Variants in GRID2 observed in about 807,000 individuals in gnomAD.
The protein encoded by GRID2 is glutamate ionotropic receptor delta type subunit 2, also known as glutamate receptor ionotropic, delta-2.
GRID2 carries 33 observed loss-of-function variants against 114.8 expected under a neutral mutation model. That is an observed-to-expected ratio of 0.29 (90% CI 0.22 to 0.38). The LOEUF is 0.38. Among genes scored for constraint, GRID2 ranks in the 10% least tolerant of loss-of-function variants. The pLI is 1.00. For missense variants in GRID2, 1,184 were observed against 1,257.7 expected, an observed-to-expected ratio of 0.94 and a Z score of 0.89; for synonymous variants, 505 against 449.9, an observed-to-expected ratio of 1.12 and a Z score of -1.55.
At chr4:92,539,660 A>C (rs1303201557) in intron 1 of GRID2, among the ~76,000 whole-genome samples, 1 of 152,152 alleles carries the variant, frequency 6.6e-6, no homozygotes, top group Non-Finnish European at 1.5e-5. Context: ...ATTGCTACCA[A>C]ATTAGTAATT....
chr4:92,718,916 TCTTA>T (rs745619308), intron 2 of GRID2, among the ~76,000 whole-genome samples: 18 of 152,186 alleles, frequency 1.2e-4, no homozygotes, highest in East Asian at 9.6e-4. Flanking sequence ...TTTATTGCAA[TCTTA>T]CTTTTTTAAA....
chr4:92,837,764 T>C (rs1448871324), intron 2 of GRID2, among the ~76,000 whole-genome samples: 1 of 152,108 alleles, frequency 6.6e-6, no homozygotes, highest in East Asian at 1.9e-4. Flanking sequence ...CTAGGATCTA[T>C]TTATTCTCAT....
rs1431226193 is a variant in GRID2, at chr4:92,644,574, C to A, written c.244+54288C>A. Among the ~76,000 whole-genome samples, 5 of 151,630 alleles carry A rather than the reference C, an allele frequency of 3.3e-5. No homozygotes were observed. The Admixed American group carries it at 3.3e-4, about 10-fold the overall frequency. Reference sequence around the variant, plus strand: ...GTTCAGCTTTTTGTCTGGTGAGTAGCTAGACTTGTGTTCCTTGAACAAATT... The same window carrying A: ...GTTCAGCTTTTTGTCTGGTGAGTAGATAGACTTGTGTTCCTTGAACAAATT... On this transcript the variant is annotated intron_variant, in intron 2 of 15. Transcript: ENST00000282020.
intron 4 of GRID2, among the ~76,000 whole-genome samples, chr4:93,130,932 C>G (rs1229113586): frequency 6.6e-6 from 1 of 152,088 alleles, no homozygotes; most frequent in African/African-American, 2.4e-5. Flanking sequence ...TCTCTCTTAT[C>G]CAATTGCATC....
chr4:92,628,617 C>G (rs1021047312), intron 2 of GRID2, among the ~76,000 whole-genome samples: 9 of 152,162 alleles, frequency 5.9e-5, no homozygotes, highest in Non-Finnish European at 7.3e-5. Context: ...CTCGGCCTCC[C>G]AAAGTGCTAG....
chr4:92,417,018 T>G (rs914911389), intron 1 of GRID2, among the ~76,000 whole-genome samples: 1 of 152,152 alleles, frequency 6.6e-6, no homozygotes, highest in African/African-American at 2.4e-5. Context: ...ACAATAGTGA[T>G]TCTACCCATC....
chr4:93,695,840 CTA>C (rs1187183540), intron 14 of GRID2, among the ~76,000 whole-genome samples: 1 of 152,170 alleles, frequency 6.6e-6, no homozygotes. Context: ...AAAGACAATG[CTA>C]TCTTCCTCTT....
intron 4 of GRID2, among the ~76,000 whole-genome samples, chr4:93,184,519 A>T (rs1740206854): frequency 6.6e-6 from 1 of 151,960 alleles, no homozygotes; most frequent in African/African-American, 2.4e-5. Flanking sequence ...AAAAAAAAAA[A>T]AAAAAAAAAA....
intron 2 of GRID2, among the ~76,000 whole-genome samples, chr4:93,032,010 T>C (rs1463640443): frequency 6.6e-6 from 1 of 152,048 alleles, no homozygotes; most frequent in Admixed American, 6.5e-5. Context: ...ATGTGAGAAA[T>C]TTCAAGGGCA....
chr4:93,518,002 T>TATGTATGTATATACATACATGTAC (rs1560706432), intron 13 of GRID2, among the ~76,000 whole-genome samples: 35 of 48,886 alleles, frequency 7.2e-4, no homozygotes, highest in East Asian at 2.9e-3. Context: ...CATACATGTA[T>TATGTATGTATATACATACATGTAC]ATGTATGTAT....
intron 2 of GRID2, among the ~76,000 whole-genome samples, chr4:92,653,088 T>G (rs1168958573): frequency 6.7e-6 from 1 of 148,692 alleles, no homozygotes; most frequent in Non-Finnish European, 1.5e-5. Flanking sequence ...AACCTCCACC[T>G]CCCAGGTTCA....
At chr4:93,511,938 C>T (rs940052518) in intron 12 of GRID2, among the ~76,000 whole-genome samples, 4 of 151,900 alleles carry the variant, frequency 2.6e-5, no homozygotes, top group African/African-American at 9.7e-5. Context: ...CATGCCACCA[C>T]ATCCAGCTAA....
intron 2 of GRID2, among the ~76,000 whole-genome samples, chr4:92,907,141 C>A (rs2149487002): frequency 6.6e-6 from 1 of 152,236 alleles, no homozygotes; most frequent in South Asian, 2.1e-4. Context: ...CCAGTATATG[C>A]CCCGTTTTTC....
rs1409968571 is a variant in GRID2 at position 92,840,762 on chromosome 4, G to GT, written c.245-244232dup. Among the ~76,000 whole-genome samples the GT allele has an allele frequency of 2.0e-5, 3 of 151,962 alleles. 1 individual carries two copies. Among genetic ancestry groups the GT allele is most frequent in the Non-Finnish European group, 4.4e-5 (3 of 67,952 alleles). On this transcript the variant is annotated intron_variant, in intron 2 of 15. Coordinates refer to ENST00000282020, the MANE Select transcript of GRID2 (RefSeq NM_001510.4). ...ATACTTAGCCTTGCCCTCACCAGTA[G>GT]TATCTTTCCAAGTTCAAAATCAAAG...
chr4:93,455,875 T>G lies in GRID2; in HGVS notation c.1759T>G (p.Leu587Val), dbSNP rs886181305. The stretch of plus-strand genomic sequence containing the variant: ...TCTGGTGGGTCTACTGGTCTACCTC[T>G]TGAACTGGCTTAATCCCCCACGATT... The part of the protein sequence containing the change: ...VLLVGLLVYL[L>V]NWLNPPRLQM... The change falls in exon 11 of 16, where the codon TTG (leucine) becomes GTG (valine). Residue 587 changes from leucine (L) to valine (V), a missense_variant. Leu to Val is a conservative substitution (Grantham distance 32, BLOSUM62 1). This residue lies in a region of GRID2 where 717 missense variants were observed against 796.9 expected (regional missense o/e 0.90). Coordinates refer to ENST00000282020, the MANE Select transcript of GRID2 (RefSeq NM_001510.4). The G allele has an allele frequency of 4.3e-6, 7 of 1,609,330 alleles. No homozygotes were observed. Among genetic ancestry groups the G allele is most frequent in the Non-Finnish European group, 6.0e-6 (7 of 1,175,730 alleles).
Position 93,012,978 on chromosome 4 carries a change from A to T in GRID2, c.245-72017A>T, listed in dbSNP as rs1578750368. Among the ~76,000 whole-genome samples the T allele has an allele frequency of 2.6e-5, 4 of 152,064 alleles. No homozygotes were observed. The South Asian group carries it at 8.3e-4, about 31-fold the overall frequency. ...AATTAGAATCTAAAACTCCTTTAAT[A>T]TTTAATATACTGATGGCTTTGCTAA... On this transcript the variant is annotated intron_variant, in intron 2 of 15. Coordinates refer to ENST00000282020, the MANE Select transcript of GRID2 (RefSeq NM_001510.4).
intron 1 of GRID2, among the ~76,000 whole-genome samples, chr4:92,442,885 G>C (rs964511531): frequency 2.0e-5 from 3 of 152,220 alleles, no homozygotes; most frequent in South Asian, 2.1e-4. Context: ...TGGGCAGGAG[G>C]GGGAGGGCTA....
chr4:93,406,638 AT>A (rs1766455244), intron 9 of GRID2, among the ~76,000 whole-genome samples: 1 of 152,206 alleles, frequency 6.6e-6, no homozygotes, highest in South Asian at 2.1e-4. Context: ...TGTATCAAGA[AT>A]TCAAAAGAAA....
At chr4:92,687,491 G>A (rs1733966504) in intron 2 of GRID2, among the ~76,000 whole-genome samples, 1 of 151,988 alleles carries the variant, frequency 6.6e-6, no homozygotes, top group Non-Finnish European at 1.5e-5. Context: ...TATTAAGTGT[G>A]CACTAGCATT....
Sources: allele counts gnomAD v4.1 joint callset (sites outside exome capture counted in the v4.1 genomes callset), GRCh38; gene constraint gnomAD v4.1.1; regional missense constraint gnomAD v4.1.1; transcripts MANE v1.5; gene names NCBI Gene and HGNC (gene_info 2026-07-23, HGNC 2026-07-21).